The following LMTK2 variants were observed in gnomAD, a reference collection of about 807,000 sequenced individuals.
LMTK2 encodes lemur tail kinase 2.
Under a neutral mutation model 127.5 loss-of-function variants are expected in LMTK2, and 37 were observed. The observed-to-expected ratio is 0.29, with a 90% CI of 0.22 to 0.38. The LOEUF is 0.38. Among genes scored for constraint, LMTK2 ranks in the 10% least tolerant of loss-of-function variants. The pLI is 1.00. For synonymous variants in LMTK2, 819 were observed against 810.1 expected, an observed-to-expected ratio of 1.01 and a Z score of -0.19; for missense variants, 1,694 against 1,920.3, an observed-to-expected ratio of 0.88 and a Z score of 2.20.
intron 7 of LMTK2, among the ~76,000 whole-genome samples, chr7:98,179,301 C>G (rs1394846435): frequency 6.6e-6 from 1 of 152,360 alleles, no homozygotes; most frequent in East Asian, 1.9e-4. Context: ...ATCGCCCAAG[C>G]TAGCCTCAGG....
chr7:98,207,262 C>T lies in LMTK2; in HGVS notation c.*1770C>T, dbSNP rs146744242. 130 of 152,334 alleles carry T rather than the reference C, an allele frequency of 8.5e-4. 1 individual carries two copies. Among genetic ancestry groups the T allele is most frequent in the African/African-American group, 3.0e-3 (123 of 41,546 alleles). The allele number at this position is 152,334 out of a possible 1,614,324, so 9.4% of individuals were successfully genotyped here. A position where few individuals can be genotyped will look rare whatever the true frequency, so the allele number is the denominator to read the frequency against. On this transcript the variant is annotated 3_prime_UTR_variant, in exon 14 of 14. Transcript: ENST00000297293. ...GTGCTCTCCAGACCCGTGCAGGGGC[C>T]GCCTGGGGTACACGGAAGGAAGTTG...
rs758113495 is a variant in LMTK2 at position 98,205,543 on chromosome 7, G to GC, written c.*55dup. The GC allele has an allele frequency of 1.9e-6, 3 of 1,590,274 alleles. No individual in the cohort carries two copies. The South Asian group carries it at 3.3e-5, about 18-fold the overall frequency. On this transcript the variant is annotated 3_prime_UTR_variant, in exon 14 of 14. Coordinates refer to ENST00000297293, the MANE Select transcript of LMTK2 (RefSeq NM_014916.4). Reference sequence around the variant, plus strand: ...TCCGAGGCTGCTCCCCTGGAGCGGCGCCCCTGCGCCCTCAGCCCGAGCAGC... The same window carrying GC: ...TCCGAGGCTGCTCCCCTGGAGCGGCGCCCCCTGCGCCCTCAGCCCGAGCAGC...
chr7:98,136,646 C>A (rs1796599568), intron 1 of LMTK2, among the ~76,000 whole-genome samples: 1 of 152,102 alleles, frequency 6.6e-6, no homozygotes, highest in African/African-American at 2.4e-5. Flanking sequence ...GCCACCTGGC[C>A]CATGGGATCA....
chr7:98,125,468 T>C (rs1203361129), intron 1 of LMTK2, among the ~76,000 whole-genome samples: 1 of 152,232 alleles, frequency 6.6e-6, no homozygotes, highest in Non-Finnish European at 1.5e-5. Flanking sequence ...ACCTGTCTTA[T>C]AAGATGCTTA....
At chr7:98,139,435 A>G (rs1288437661) in intron 2 of LMTK2, among the ~76,000 whole-genome samples, 1 of 152,110 alleles carries the variant, frequency 6.6e-6, no homozygotes, top group Non-Finnish European at 1.5e-5. Context: ...TTTTTATACT[A>G]CATTACCTGG....
At chr7:98,140,142 CTTTTCTTTTCTTTTCTTTTCTTTTCTTTT>C (rs1796663555) in intron 2 of LMTK2, among the ~76,000 whole-genome samples, 7 of 67,176 alleles carry the variant, frequency 1.0e-4, no homozygotes, top group African/African-American at 2.9e-4. Context: ...TTCTTTCTTT[CTTTTCTTTTCTTTTCTTTTCTTTTCTTTT>C]CTTTCTTTTC....
chr7:98,204,604 G>A (rs576869095), intron 13 of LMTK2, among the ~76,000 whole-genome samples: 3 of 152,336 alleles, frequency 2.0e-5, no homozygotes, highest in African/African-American at 7.2e-5. Context: ...TCCAGCATGG[G>A]TGACAGAGCA....
chr7:98,147,749 C>T (rs562255910), intron 3 of LMTK2, among the ~76,000 whole-genome samples: 1 of 152,160 alleles, frequency 6.6e-6, no homozygotes, highest in South Asian at 2.1e-4. Flanking sequence ...CTGATTCTGT[C>T]TGCCCAAATT....
At chr7:98,116,968 G>A (rs1267382937) in intron 1 of LMTK2, among the ~76,000 whole-genome samples, 2 of 152,188 alleles carry the variant, frequency 1.3e-5, no homozygotes, top group Non-Finnish European at 2.9e-5. Context: ...GGGTTTCTGG[G>A]AGGAAGACCA....
intron 1 of LMTK2, among the ~76,000 whole-genome samples, chr7:98,114,683 A>G (rs1796251474): frequency 6.6e-6 from 1 of 152,116 alleles, no homozygotes; most frequent in Admixed American, 6.6e-5. Context: ...GCTGCAGCGC[A>G]TCTGTTGTTG....
rs542857468 is a variant in LMTK2 at position 98,137,279 on chromosome 7, G to T, written c.104-36G>T. ...CACTAATTAAAGTTGATTTTGGAATGTACATGTTTTTAATATTATTTATCT... is the reference window on the plus strand; with the variant it reads ...CACTAATTAAAGTTGATTTTGGAATTTACATGTTTTTAATATTATTTATCT... On this transcript the variant is annotated intron_variant, in intron 1 of 13. Transcript: ENST00000297293. 24 of 1,588,996 alleles carry T rather than the reference G, an allele frequency of 1.5e-5. No individual in the cohort carries two copies. The South Asian group carries it at 2.8e-4, about 18-fold the overall frequency.
intron 6 of LMTK2, among the ~76,000 whole-genome samples, chr7:98,162,574 G>T (rs929882073): frequency 6.6e-6 from 1 of 152,184 alleles, no homozygotes; most frequent in Non-Finnish European, 1.5e-5. Context: ...GTCACTCGGG[G>T]ACGGTCACTC....
rs1797850955 is a variant in LMTK2, at chr7:98,209,130, G to A, written c.*3638G>A. The A allele has an allele frequency of 6.6e-6, 1 of 152,216 alleles. No individual in the cohort carries two copies. The highest frequency in any genetic ancestry group is 1.5e-5 in the Non-Finnish European group (1 of 68,042). The allele number at this position is 152,216 out of a possible 1,614,324, so 9.4% of individuals were successfully genotyped here. A position where few individuals can be genotyped will look rare whatever the true frequency, so the allele number is the denominator to read the frequency against. On this transcript the variant is annotated 3_prime_UTR_variant, in exon 14 of 14. Transcript: ENST00000297293. ...CTTATGGGAAGTAGCCTTAAAAAAA[G>A]AATGGGTATACGCAGTGACTTCCGA... is the stretch of plus-strand genomic sequence containing the variant.
At position 98,193,259 on chromosome 7, in the gene LMTK2, G is replaced by A. The variant is rs1797563877; in HGVS notation, c.2794G>A (p.Glu932Lys). The A allele has an allele frequency of 1.2e-6, 2 of 1,613,670 alleles. No individual in the cohort carries two copies. The highest frequency in any genetic ancestry group is 1.7e-6 in the Non-Finnish European group (2 of 1,180,026). The change falls in exon 11 of 14, where the codon GAA (glutamate) becomes AAA (lysine). Residue 932 changes from glutamate (E) to lysine (K), a missense_variant. Around this residue, in one of 8 missense-constraint regions of LMTK2, gnomAD observed 527 missense variants for 539.8 expected, o/e 0.98. Transcript: ENST00000297293. This position sits in a 1 kb window ranked among gnomAD's most constrained non-coding sequence, Gnocchi z 4.1. ...GGAATTGCACAATAAACCATTTTCG[G>A]AAGACCATCACAGTCATCGCCGGCT... is the stretch of plus-strand genomic sequence containing the variant. ...GQELHNKPFS[E>K]DHHSHRRLEK...
chr7:98,153,994 A>C (rs753761822), intron 4 of LMTK2, among the ~76,000 whole-genome samples: 18 of 152,234 alleles, frequency 1.2e-4, no homozygotes, highest in Non-Finnish European at 2.5e-4. Context: ...CATTAAAATT[A>C]ATCTATTTTA....
In LMTK2 at chr7:98,165,308, G is replaced by A. The variant is rs560955370; in HGVS notation, c.657+5883G>A. 1.2e-4 allele frequency among the ~76,000 whole-genome samples: 18 copies of A among 152,318 alleles called. No homozygotes were observed. In the East Asian group the frequency reaches 2.9e-3, roughly 25 times the overall value. ...TGACAACGCTGTGAGACCCATAGCA[G>A]TAGCTTCAGTCTACAGATGAGGAAA... On this transcript the variant is annotated intron_variant, in intron 6 of 13. Transcript: ENST00000297293.
intron 7 of LMTK2, among the ~76,000 whole-genome samples, chr7:98,175,204 C>T (rs914190669): frequency 7.2e-5 from 11 of 152,014 alleles, no homozygotes; most frequent in African/African-American, 1.2e-4. Flanking sequence ...GAGTCCAGGT[C>T]GGTTTTTGGA....
chr7:98,154,856 GA>G lies in LMTK2; in HGVS notation c.554del (p.Asn185MetfsTer21). ...ACCCAAAGGAACAAGATACTTTTTT[GA>G]AAAATGGAGAACCTTACTAGTAAGT... is the stretch of plus-strand genomic sequence containing the variant. ...ANPKEQDTFL[K>X]NGEPYYILQH... On this transcript the variant is annotated frameshift_variant, in exon 5 of 14. Coordinates refer to ENST00000297293, the MANE Select transcript of LMTK2 (RefSeq NM_014916.4). LOFTEE classifies it high-confidence loss of function. 1 of 1,602,574 alleles carries G rather than the reference GA, an allele frequency of 6.2e-7. No homozygotes were observed. The highest frequency in any genetic ancestry group is 8.5e-7 in the Non-Finnish European group (1 of 1,169,718).
At chr7:98,185,530 G>A (rs1343841450) in intron 8 of LMTK2, among the ~76,000 whole-genome samples, 1 of 152,080 alleles carries the variant, frequency 6.6e-6, no homozygotes, top group African/African-American at 2.4e-5. Context: ...TCAGTAACCT[G>A]GGGATCTAGG....
Sources: gnomAD v4.1 joint callset for allele counts (sites outside exome capture counted in the v4.1 genomes callset) on GRCh38, gnomAD v4.1.1 for gene constraint, gnomAD v4.1.1 regional missense constraint, Gnocchi (gnomAD v3.1) non-coding constraint, MANE v1.5 for transcripts, NCBI Gene and HGNC (gene_info 2026-07-23, HGNC 2026-07-21) for gene names.